CELF2: variants seen among roughly 807,000 people sequenced by gnomAD.
CELF2 encodes CUGBP Elav-like family member 2.
In CELF2, 8 loss-of-function variants were observed where a neutral mutation model predicts 62.6. The ratio of observed to expected loss-of-function variants is 0.13; its 90% confidence interval spans 0.07 to 0.23. The LOEUF (loss-of-function observed/expected upper bound fraction) is 0.23, where lower values mean the gene tolerates loss of function less well. CELF2 is among the 10% of genes least tolerant of loss of function. The probability of loss-of-function intolerance (pLI) is 1.00; values close to 1 mark genes in which losing one functional copy is unlikely to be tolerated. For synonymous variants in CELF2, 258 were observed against 250.0 expected, an observed-to-expected ratio of 1.03 and a Z score of -0.30; for missense variants, 333 against 671.0, an observed-to-expected ratio of 0.50 and a Z score of 5.56.
chr10:11,318,879 T>TC lies in CELF2; in HGVS notation c.1097-2305dup, dbSNP rs1454951430. ...TGGAGGCTGCACATCGCAGGAAGGA[T>TC]CCCCCGTGGGTCTCACATGACAGGG... On this transcript the variant is annotated intron_variant, in intron 10 of 12. Transcript: ENST00000633077. This position sits in a 1 kb window ranked among gnomAD's most constrained non-coding sequence, Gnocchi z 5.4. 2.1e-6 allele frequency: 1 copy of TC among 470,896 alleles called. No homozygotes were observed. The highest frequency in any genetic ancestry group is 7.0e-5 in the East Asian group (1 of 14,372). The allele number at this position is 470,896 out of a possible 1,614,324, so 29.2% of individuals were successfully genotyped here. A position where few individuals can be genotyped will look rare whatever the true frequency, so the allele number is the denominator to read the frequency against.
chr10:11,280,859 G>A lies in CELF2; in HGVS notation c.841+5739G>A, dbSNP rs2088250844. 6.6e-6 allele frequency among the ~76,000 whole-genome samples: 1 copy of A among 152,154 alleles called. No individual in the cohort carries two copies. Among genetic ancestry groups the A allele is most frequent in the African/African-American group, 2.4e-5 (1 of 41,434 alleles). On this transcript the variant is annotated intron_variant, in intron 8 of 12. Coordinates refer to ENST00000633077, the MANE Select transcript of CELF2 (RefSeq NM_001326342.2). The surrounding 1 kb of genome is among the most constrained non-coding windows in gnomAD (Gnocchi z 7.6). ...AGGGCTCTGAAGGGCTGCTCTCTAG[G>A]GCTTCCTGGCGCCAGCCTCCACTGG...
At chr10:11,041,556 G>C (rs551059855) in intron 1 of CELF2, among the ~76,000 whole-genome samples, 1 of 152,336 alleles carries the variant, frequency 6.6e-6, no homozygotes, top group South Asian at 2.1e-4. Context: ...TGCAGCTATA[G>C]ATGGTATCAG....
At chr10:10,955,119 C>T (rs1178719336) in intron 2 of CELF2, among the ~76,000 whole-genome samples, 1 of 152,222 alleles carries the variant, frequency 6.6e-6, no homozygotes, top group East Asian at 1.9e-4. Flanking sequence ...ATTCACCTCT[C>T]TTTAAACCTC....
Position 11,318,661 on chromosome 10 carries a change from G to C in CELF2, c.1097-2528G>C. ...CATCCATCCAGTATTTCAAGAGCAG[G>C]AGCTGTGTTCTGCTTCTGCATTGTA... On this transcript the variant is annotated intron_variant, in intron 10 of 12. Coordinates refer to ENST00000633077, the MANE Select transcript of CELF2 (RefSeq NM_001326342.2). The surrounding 1 kb of genome is among the most constrained non-coding windows in gnomAD (Gnocchi z 5.4). 1 of 409,412 alleles carries C rather than the reference G, an allele frequency of 2.4e-6. No homozygotes were observed. Among genetic ancestry groups the C allele is most frequent in the Non-Finnish European group, 5.1e-6 (1 of 197,428 alleles). The allele number at this position is 409,412 out of a possible 1,614,324, so 25.4% of individuals were successfully genotyped here. A position where few individuals can be genotyped will look rare whatever the true frequency, so the allele number is the denominator to read the frequency against.
intron 1 of CELF2, among the ~76,000 whole-genome samples, chr10:10,815,462 A>G (rs961967028): frequency 1.3e-5 from 2 of 152,208 alleles, no homozygotes; most frequent in Non-Finnish European, 2.9e-5. Context: ...GAGAATATAG[A>G]GAATAAAACC....
the CELF2 span, among the ~76,000 whole-genome samples, chr10:10,508,704 G>GTGTGTGTGTGTGTA: frequency 3.3e-5 from 2 of 60,912 alleles, no homozygotes; most frequent in African/African-American, 1.0e-4. Flanking sequence ...GTGTGTGTGT[G>GTGTGTGTGTGTGTA]TATATTTTTT....
rs1040333735 is a variant in CELF2 at position 11,306,150 on chromosome 10, G to A, written c.977-7989G>A. ...CGAGCAAGGTGAGGTGCACTTTGCA[G>A]CCTCCGTCTGGGATCCTCTTGGCTT... is the stretch of plus-strand genomic sequence containing the variant. On this transcript the variant is annotated intron_variant, in intron 9 of 12. Coordinates refer to ENST00000633077, the MANE Select transcript of CELF2 (RefSeq NM_001326342.2). This position sits in a 1 kb window ranked among gnomAD's most constrained non-coding sequence, Gnocchi z 4.4. Among the ~76,000 whole-genome samples, 2 of 152,076 alleles carry A rather than the reference G, an allele frequency of 1.3e-5. No individual in the cohort carries two copies. The highest frequency in any genetic ancestry group is 2.4e-5 in the African/African-American group (1 of 41,418).
rs575038396 is a variant in CELF2 at position 11,125,630 on chromosome 10, C to T, written c.75-39856C>T. On this transcript the variant is annotated intron_variant, in intron 1 of 12. Transcript: ENST00000633077. ...TTCATTTTAATTCACTCCAAAATGG[C>T]GCAGTGGTCCAGGGTTTATGCTGTT... Among the ~76,000 whole-genome samples, 21 of 152,208 alleles carry T rather than the reference C, an allele frequency of 1.4e-4. No individual in the cohort carries two copies. The South Asian group carries it at 2.7e-3, about 20-fold the overall frequency.
intron 1 of CELF2, among the ~76,000 whole-genome samples, chr10:11,062,159 A>G (rs186781786): frequency 7.2e-5 from 11 of 152,332 alleles, no homozygotes; most frequent in Admixed American, 7.2e-4. Flanking sequence ...GGGGGGAAAA[A>G]AAAATTCCTT....
chr10:10,706,673 T>C, the CELF2 span, among the ~76,000 whole-genome samples: 6 of 152,222 alleles, frequency 3.9e-5, no homozygotes, highest in Non-Finnish European at 5.9e-5. Context: ...ATGAGCATCA[T>C]ATGGTATTAG....
intron 1 of CELF2, among the ~76,000 whole-genome samples, chr10:11,133,125 G>A (rs1750723): frequency 0.27 from 40,556 of 152,056 alleles, 6,465 homozygotes; most frequent in East Asian, 0.76. Flanking sequence ...TCATTTCATC[G>A]TAAAATGGGA....
the CELF2 span, among the ~76,000 whole-genome samples, chr10:10,623,043 G>C: frequency 1.6e-5 from 2 of 124,582 alleles, no homozygotes; most frequent in South Asian, 5.1e-4. Flanking sequence ...CCGAGATTGC[G>C]CCACAGCACT....
the CELF2 span, among the ~76,000 whole-genome samples, chr10:10,644,447 T>C: frequency 6.6e-6 from 1 of 151,888 alleles, no homozygotes; most frequent in East Asian, 1.9e-4. Flanking sequence ...CAGAGCTTCT[T>C]CCTGGAGACA....
chr10:10,510,152 G>T, the CELF2 span, among the ~76,000 whole-genome samples: 1 of 152,106 alleles, frequency 6.6e-6, no homozygotes, highest in Non-Finnish European at 1.5e-5. Context: ...ATCTTTCTTG[G>T]TTAAGGCTTC....
chr10:10,804,883 G>C (rs1242748999), intron 1 of CELF2, among the ~76,000 whole-genome samples: 1 of 152,168 alleles, frequency 6.6e-6, no homozygotes, highest in Non-Finnish European at 1.5e-5. Context: ...AGAGCACGCT[G>C]TGTAAGTTTG....
intron 3 of CELF2, among the ~76,000 whole-genome samples, chr10:11,241,213 T>C (rs2073793863): frequency 6.6e-6 from 1 of 152,226 alleles, no homozygotes; most frequent in South Asian, 2.1e-4. Flanking sequence ...TGTTATTTAT[T>C]TTTTGAAACA....
the CELF2 span, among the ~76,000 whole-genome samples, chr10:10,684,082 C>T: frequency 6.6e-6 from 1 of 152,162 alleles, no homozygotes; most frequent in Non-Finnish European, 1.5e-5. Context: ...ACCTATGTTA[C>T]AACCTTTACA....
intron 2 of CELF2, among the ~76,000 whole-genome samples, chr10:11,176,986 G>A (rs2071424521): frequency 6.6e-6 from 1 of 152,134 alleles, no homozygotes; most frequent in Admixed American, 6.5e-5. Flanking sequence ...TGGCAGGAAG[G>A]TTATTTCAGT....
At chr10:10,811,149 G>C (rs866468197) in intron 1 of CELF2, among the ~76,000 whole-genome samples, 8 of 152,332 alleles carry the variant, frequency 5.3e-5, no homozygotes, top group African/African-American at 1.7e-4. Context: ...GAGTTGTCCT[G>C]TTCAAGGATC....
Sources: allele counts gnomAD v4.1 joint callset (sites outside exome capture counted in the v4.1 genomes callset), GRCh38; gene constraint gnomAD v4.1.1; non-coding constraint Gnocchi (gnomAD v3.1); transcripts MANE v1.5; gene names NCBI Gene and HGNC (gene_info 2026-07-23, HGNC 2026-07-21).